Variants in EPHB1 observed in about 807,000 individuals in gnomAD.
The protein encoded by EPHB1 is EPH receptor B1, also known as ephrin type-B receptor 1.
EPHB1 carries 30 observed loss-of-function variants against 94.4 expected under a neutral mutation model. The ratio of observed to expected loss-of-function variants is 0.32; its 90% CI spans 0.24 to 0.43. EPHB1 has a LOEUF of 0.43. EPHB1 is among the 20% of genes least tolerant of loss of function. The pLI is 1.00. For synonymous variants in EPHB1, 522 were observed against 489.1 expected (o/e 1.07, Z -0.89); for missense variants, 1,055 against 1,308.3 (o/e 0.81, Z 2.99).
chr3:134,879,363 A>G (rs1184289501), intron 1 of EPHB1, among the ~76,000 whole-genome samples: 3 of 152,332 alleles, frequency 2.0e-5, no homozygotes, highest in South Asian at 2.1e-4. Context: ...AAGGCCGGGC[A>G]TGGTGGCTCA....
chr3:134,905,052 G>T (rs895864152), intron 1 of EPHB1, among the ~76,000 whole-genome samples: 1 of 152,198 alleles, frequency 6.6e-6, no homozygotes, highest in African/African-American at 2.4e-5. Context: ...CCACAGCACT[G>T]GTCACCATGA....
At chr3:134,929,112 G>A (rs1017491787) in intron 2 of EPHB1, among the ~76,000 whole-genome samples, 3 of 152,174 alleles carry the variant, frequency 2.0e-5, no homozygotes, top group East Asian at 1.9e-4. Context: ...TAGACGGAGG[G>A]AACAAGGGGC....
intron 3 of EPHB1, among the ~76,000 whole-genome samples, chr3:135,017,564 A>G (rs1935844816): frequency 6.6e-6 from 1 of 152,172 alleles, no homozygotes; most frequent in East Asian, 1.9e-4. Flanking sequence ...TAGCTCCCAC[A>G]GCTCTTCTGC....
At chr3:135,075,722 C>T (rs779473522) in intron 3 of EPHB1, among the ~76,000 whole-genome samples, 2 of 152,188 alleles carry the variant, frequency 1.3e-5, no homozygotes, top group Non-Finnish European at 2.9e-5. Context: ...CCTGCCTCCA[C>T]TCCATCAGAC....
At chr3:134,843,767 C>G (rs1465015383) in intron 1 of EPHB1, among the ~76,000 whole-genome samples, 3 of 152,008 alleles carry the variant, frequency 2.0e-5, no homozygotes, top group African/African-American at 2.4e-5. Flanking sequence ...GAGATGATCT[C>G]TATTTTTCTG....
intron 3 of EPHB1, among the ~76,000 whole-genome samples, chr3:134,978,507 G>T (rs1934279656): frequency 6.6e-6 from 1 of 152,174 alleles, no homozygotes; most frequent in Non-Finnish European, 1.5e-5. Context: ...GTGCTAAGGG[G>T]TTCCCAGAAC....
intron 1 of EPHB1, among the ~76,000 whole-genome samples, chr3:134,807,550 AG>A (rs34038809): frequency 0.74 from 90,094 of 121,712 alleles, 29,996 homozygotes; most frequent in East Asian, 0.83. Context: ...TGAGAGAGAG[AG>A]GGGAGAGAGA....
At chr3:134,877,894 G>A (rs1445224408) in intron 1 of EPHB1, among the ~76,000 whole-genome samples, 3 of 152,312 alleles carry the variant, frequency 2.0e-5, no homozygotes, top group Middle Eastern at 3.4e-3. Flanking sequence ...AGCAAGAGGA[G>A]TCCTCTTCCA....
intron 4 of EPHB1, among the ~76,000 whole-genome samples, chr3:135,122,165 A>G (rs1939993276): frequency 6.6e-6 from 1 of 152,130 alleles, no homozygotes; most frequent in African/African-American, 2.4e-5. Context: ...ACCCACATAC[A>G]CAGCACAGCA....
chr3:134,893,147 A>ACGG (rs2038019836), intron 1 of EPHB1, among the ~76,000 whole-genome samples: 1 of 152,182 alleles, frequency 6.6e-6, no homozygotes, highest in African/African-American at 2.4e-5. Context: ...CTGGGTGCTG[A>ACGG]TGGTCCCAGG....
chr3:134,795,950 T>G (rs1374586362), intron 1 of EPHB1, among the ~76,000 whole-genome samples: 1 of 152,162 alleles, frequency 6.6e-6, no homozygotes, highest in Non-Finnish European at 1.5e-5. Context: ...CCTGGTAGCC[T>G]CGGTCTCCCG....
intron 4 of EPHB1, among the ~76,000 whole-genome samples, chr3:135,113,534 C>T (rs1488245433): frequency 2.0e-5 from 3 of 152,188 alleles, no homozygotes; most frequent in Non-Finnish European, 4.4e-5. Context: ...GAGGCAGAGG[C>T]GGTCATGCCA....
chr3:135,059,865 A>G lies in EPHB1; in HGVS notation c.806-46583A>G, dbSNP rs7646360. On this transcript the variant is annotated intron_variant, in intron 3 of 15. Transcript: ENST00000398015. ...TGTCCCCATGGCCCGTTTGGGCCTC[A>G]GCGTGCCGATGTAAGAGATGAGAAT... Among the ~76,000 whole-genome samples, 597 of 152,234 alleles carry G rather than the reference A, an allele frequency of 3.9e-3. 5 individuals are homozygous for G. The highest frequency in any genetic ancestry group is 0.014 in the African/African-American group (566 of 41,534).
At chr3:135,186,565 C>A (rs559085296) in intron 10 of EPHB1, among the ~76,000 whole-genome samples, 1 of 152,252 alleles carries the variant, frequency 6.6e-6, no homozygotes, top group East Asian at 1.9e-4. Context: ...CCCCCCAAGG[C>A]AGTTTTTGAC....
rs115233716 is a variant in EPHB1, at chr3:134,830,154, C to T, written c.58+34465C>T. Among the ~76,000 whole-genome samples the T allele has an allele frequency of 8.6e-3, 1,304 of 152,336 alleles. 14 individuals carry two copies. Among genetic ancestry groups the T allele is most frequent in the African/African-American group, 0.029 (1,196 of 41,562 alleles). ...GTTGTGCTCATTCCTCCCCTGCACA[C>T]ATATGTGCCATATATACATGTAATT... On this transcript the variant is annotated intron_variant, in intron 1 of 15. Coordinates refer to ENST00000398015, the MANE Select transcript of EPHB1 (RefSeq NM_004441.5).
intron 12 of EPHB1, among the ~76,000 whole-genome samples, chr3:135,214,824 A>G (rs1042647361): frequency 6.6e-6 from 1 of 152,164 alleles, no homozygotes; most frequent in African/African-American, 2.4e-5. Context: ...GTGTTCAGCA[A>G]TGTCGCCTGA....
At chr3:134,805,758 TA>T (rs1205179350) in intron 1 of EPHB1, among the ~76,000 whole-genome samples, 1 of 152,190 alleles carries the variant, frequency 6.6e-6, no homozygotes, top group African/African-American at 2.4e-5. Context: ...CTTTTCTGGC[TA>T]ACCCTAAATT....
chr3:135,154,036 A>G, intron 5 of EPHB1, 116 bp from the exon 6 acceptor site: 1 of 1,398,846 alleles, frequency 7.1e-7, no homozygotes. Context: ...CTGATGATAA[A>G]GAAGGAGCAG....
At chr3:134,948,675 G>T (rs1038026554) in intron 2 of EPHB1, among the ~76,000 whole-genome samples, 2 of 152,246 alleles carry the variant, frequency 1.3e-5, no homozygotes, top group Non-Finnish European at 2.9e-5. Flanking sequence ...ACATGGTGGG[G>T]CCTGGGCACA....
Sources: gnomAD v4.1 joint callset for allele counts (sites outside exome capture counted in the v4.1 genomes callset) on GRCh38, gnomAD v4.1.1 for gene constraint, MANE v1.5 for transcripts, NCBI Gene and HGNC (gene_info 2026-07-23, HGNC 2026-07-21) for gene names.